The following NRXN3 variants were observed in gnomAD, a reference collection of about 807,000 sequenced individuals.
NRXN3 encodes the protein neurexin III.
Under a neutral mutation model 137.6 loss-of-function variants are expected in NRXN3, and 32 were observed. That is an observed-to-expected ratio of 0.23 (90% CI 0.18 to 0.31). The LOEUF is 0.31. Ranked by LOEUF, NRXN3 falls within the 10% of genes least tolerant of loss-of-function variation. NRXN3 has a pLI of 1.00. For missense variants in NRXN3, 1,574 were observed against 2,062.5 expected (o/e 0.76, Z 4.59); for synonymous variants, 798 against 784.5 (o/e 1.02, Z -0.29).
chr14:78,889,538 C>T (rs1368215453), intron 10 of NRXN3, among the ~76,000 whole-genome samples: 4 of 151,972 alleles, frequency 2.6e-5, no homozygotes, highest in Non-Finnish European at 5.9e-5. Flanking sequence ...TTTTTTAGTA[C>T]TTGCTGTTAC....
intron 15 of NRXN3, among the ~76,000 whole-genome samples, chr14:79,038,185 T>TCCC (rs1318793751): frequency 1.5e-4 from 23 of 152,184 alleles, no homozygotes; most frequent in African/African-American, 5.3e-4. Context: ...TTACAATTTA[T>TCCC]AGAGTATTTA....
rs535705671 is a variant in NRXN3, at chr14:78,924,603, T to C, written c.2276-32639T>C. On this transcript the variant is annotated intron_variant, in intron 10 of 20. Coordinates refer to ENST00000335750, the MANE Select transcript of NRXN3 (RefSeq NM_001330195.2). Reference sequence around the variant, plus strand: ...GTGCTCAATAAATTATTGCTTCATCTCCTTGATGATAACAAACCATTGCCT... The same window carrying C: ...GTGCTCAATAAATTATTGCTTCATCCCCTTGATGATAACAAACCATTGCCT... 2.0e-5 allele frequency among the ~76,000 whole-genome samples: 3 copies of C among 152,302 alleles called. No homozygotes were observed. In the South Asian group the frequency reaches 6.2e-4, roughly 32 times the overall value.
At chr14:78,190,024 G>C (rs1004048873) in intron 1 of NRXN3, among the ~76,000 whole-genome samples, 1 of 152,218 alleles carries the variant, frequency 6.6e-6, no homozygotes, top group African/African-American at 2.4e-5. Context: ...TGTCTCATCT[G>C]AATAGGGTCT....
intron 16 of NRXN3, among the ~76,000 whole-genome samples, chr14:79,545,375 T>C (rs1286364743): frequency 6.6e-6 from 1 of 152,140 alleles, no homozygotes; most frequent in African/African-American, 2.4e-5. Flanking sequence ...TTCTTATAAA[T>C]GCAGATGTTG....
intron 6 of NRXN3, among the ~76,000 whole-genome samples, chr14:78,676,122 A>G (rs1216465409): frequency 6.6e-6 from 1 of 152,266 alleles, no homozygotes; most frequent in East Asian, 1.9e-4. Flanking sequence ...CATTAGGCCA[A>G]TTAATAGCCC....
At chr14:79,248,767 CT>C (rs1387637193) in intron 15 of NRXN3, 3 of 152,190 alleles carry the variant, frequency 2.0e-5, no homozygotes, top group African/African-American at 7.2e-5. Flanking sequence ...AAGAAAGTGA[CT>C]TTTTATTCCA....
intron 20 of NRXN3, among the ~76,000 whole-genome samples, chr14:79,853,239 C>A (rs927528097): frequency 6.6e-6 from 1 of 152,088 alleles, no homozygotes; most frequent in Non-Finnish European, 1.5e-5. Flanking sequence ...GTGTGGCTGC[C>A]GATGAAGTTG....
At chr14:79,249,642 G>C (rs995349368) in intron 15 of NRXN3, among the ~76,000 whole-genome samples, 1 of 152,108 alleles carries the variant, frequency 6.6e-6, no homozygotes, top group Admixed American at 6.6e-5. Context: ...CATCAGGGAG[G>C]GTTCTGGAAG....
Position 78,424,632 on chromosome 14 carries a change from T to G in NRXN3, c.757+126772T>G, listed in dbSNP as rs1323530783. 3.3e-5 allele frequency among the ~76,000 whole-genome samples: 5 copies of G among 152,192 alleles called. No individual in the cohort carries two copies. In the South Asian group the frequency reaches 8.3e-4, roughly 25 times the overall value. On this transcript the variant is annotated intron_variant, in intron 4 of 20. Coordinates refer to ENST00000335750, the MANE Select transcript of NRXN3 (RefSeq NM_001330195.2). ...AGACATCCCCAGAGCAAAAGCAAAG[T>G]ATCTGGGCTGATGATTCAGGTATTA...
intron 15 of NRXN3, among the ~76,000 whole-genome samples, chr14:79,427,446 A>C (rs1236522597): frequency 6.7e-6 from 1 of 149,202 alleles, no homozygotes; most frequent in African/African-American, 2.6e-5. Context: ...ACACACAAAC[A>C]CACACACACA....
intron 16 of NRXN3, among the ~76,000 whole-genome samples, chr14:79,624,804 T>G (rs1044479681): frequency 1.2e-5 from 1 of 83,702 alleles, no homozygotes; most frequent in African/African-American, 7.5e-5. Flanking sequence ...TTTTTTTTTG[T>G]TTGTTTTTGT....
Position 79,367,614 on chromosome 14 carries a change from T to C in NRXN3, c.3263-99607T>C, listed in dbSNP as rs187451343. On this transcript the variant is annotated intron_variant, in intron 15 of 20. Coordinates refer to ENST00000335750, the MANE Select transcript of NRXN3 (RefSeq NM_001330195.2). The stretch of plus-strand genomic sequence containing the variant: ...GAATAAGAACTAATGTTAATTCATG[T>C]CAGACACAGTGCCAAAGATCTTTAT... Among the ~76,000 whole-genome samples, 254 of 152,322 alleles carry C rather than the reference T, an allele frequency of 1.7e-3. 7 individuals are homozygous for C. The highest frequency in any genetic ancestry group is 0.016 in the Admixed American group (239 of 15,294).
intron 15 of NRXN3, among the ~76,000 whole-genome samples, chr14:79,052,654 A>G (rs2099643626): frequency 6.6e-6 from 1 of 152,206 alleles, no homozygotes; most frequent in Non-Finnish European, 1.5e-5. Context: ...AAACAAAGAG[A>G]ATGCATTCTC....
At chr14:78,258,437 C>CG (rs1242357168) in intron 2 of NRXN3, among the ~76,000 whole-genome samples, 313 of 59,726 alleles carry the variant, frequency 5.2e-3, no homozygotes, top group African/African-American at 0.016. Context: ...TTGGCATTGG[C>CG]GGGGGGAGGA....
intron 17 of NRXN3, among the ~76,000 whole-genome samples, chr14:79,668,865 A>G (rs1603402788): frequency 6.6e-6 from 1 of 152,198 alleles, no homozygotes; most frequent in South Asian, 2.1e-4. Flanking sequence ...AGTTTCCAAC[A>G]TATTTTGTTT....
rs747830638 is a variant in NRXN3, at chr14:79,148,016, C to A, written c.3262+159875C>A. On this transcript the variant is annotated intron_variant, in intron 15 of 20. Transcript: ENST00000335750. ...TTCCTGTCTCCAGCAGTGACCTTCT[C>A]CTCATTTATTCATGACAGAATCATA... Among the ~76,000 whole-genome samples, 82 of 152,094 alleles carry A rather than the reference C, an allele frequency of 5.4e-4. 1 individual carries two copies. The highest frequency in any genetic ancestry group is 8.7e-4 in the Non-Finnish European group (59 of 68,018).
At chr14:79,410,112 A>G (rs2095393929) in intron 15 of NRXN3, among the ~76,000 whole-genome samples, 1 of 151,870 alleles carries the variant, frequency 6.6e-6, no homozygotes, top group Non-Finnish European at 1.5e-5. Flanking sequence ...CAAGTGGCTG[A>G]AGAAAAAATA....
At chr14:79,598,198 G>A (rs183761791) in intron 16 of NRXN3, among the ~76,000 whole-genome samples, 5 of 152,292 alleles carry the variant, frequency 3.3e-5, no homozygotes, top group Admixed American at 6.5e-5. Flanking sequence ...ACTCACTATC[G>A]TCTTTGCAGT....
chr14:78,963,460 T>G (rs1003425193), intron 11 of NRXN3, among the ~76,000 whole-genome samples: 4 of 152,182 alleles, frequency 2.6e-5, no homozygotes, highest in African/African-American at 9.6e-5. Context: ...CTCCCCATCA[T>G]TTTCCAGCCC....
Sources: allele counts gnomAD v4.1 joint callset (sites outside exome capture counted in the v4.1 genomes callset), GRCh38; gene constraint gnomAD v4.1.1; transcripts MANE v1.5; gene names NCBI Gene and HGNC (gene_info 2026-07-23, HGNC 2026-07-21).